Variants in SESTD1 observed in about 807,000 individuals in gnomAD.
The protein encoded by SESTD1 is SEC14 and spectrin domain containing 1.
SESTD1 carries 43 observed loss-of-function variants against 101.7 expected under a neutral mutation model. The ratio of observed to expected loss-of-function variants is 0.42; its 90% CI spans 0.33 to 0.55. The LOEUF (loss-of-function observed/expected upper bound fraction) is 0.55. Among genes scored for constraint, SESTD1 ranks in the 20% least tolerant of loss-of-function variants. The pLI is 0.07. For synonymous variants in SESTD1, 283 were observed against 286.8 expected (o/e 0.99, Z 0.13); for missense variants, 647 against 815.1 (o/e 0.79, Z 2.51).
intron 9 of SESTD1, among the ~76,000 whole-genome samples, chr2:179,139,757 T>C (rs1440943107): frequency 1.3e-5 from 2 of 152,112 alleles, no homozygotes; most frequent in African/African-American, 2.4e-5. Flanking sequence ...TCCTGCTGAC[T>C]TCATCTCCCT....
chr2:179,236,869 A>G (rs2047076440), intron 1 of SESTD1, among the ~76,000 whole-genome samples: 1 of 151,930 alleles, frequency 6.6e-6, no homozygotes, highest in Non-Finnish European at 1.5e-5. Flanking sequence ...ATAGAATAAT[A>G]TAAAACCATA....
chr2:179,143,516 A>C, intron 9 of SESTD1, 76 bp downstream of exon 9: 1 of 1,309,794 alleles, frequency 7.6e-7, no homozygotes, highest in Non-Finnish European at 1.1e-6. Context: ...AGTGTATATA[A>C]GACTTAATAG....
At chr2:179,240,984 C>A (rs964543441) in intron 1 of SESTD1, among the ~76,000 whole-genome samples, 8 of 151,998 alleles carry the variant, frequency 5.3e-5, no homozygotes, top group African/African-American at 1.4e-4. Flanking sequence ...AAAAAAGAAA[C>A]CCTCACTAAG....
At chr2:179,198,190 A>G (rs1328491023) in intron 1 of SESTD1, among the ~76,000 whole-genome samples, 1 of 152,226 alleles carries the variant, frequency 6.6e-6, no homozygotes, top group Non-Finnish European at 1.5e-5. Context: ...CTTTAAACCA[A>G]CAAAGATCAA....
Position 179,116,751 on chromosome 2 carries a change from T to G in SESTD1, c.1564A>C (p.Lys522Gln). ...WLSELLDALL[K>Q]THIRLGDDAQ... ...TCATCGCCCAATCTGATGTGAGTCT[T>G]AAGCAGAGCATCCAGAAGTTCACTT... The change falls in exon 15 of 18, where the codon AAG (lysine) becomes CAG (glutamine). Residue 522 changes from lysine to glutamine, a missense_variant. Lys to Gln is a moderately conservative substitution (Grantham distance 53, BLOSUM62 1). Coordinates refer to ENST00000428443, the MANE Select transcript of SESTD1 (RefSeq NM_178123.5). The G allele has an allele frequency of 6.2e-7, 1 of 1,614,134 alleles. No homozygotes were observed. Among genetic ancestry groups the G allele is most frequent in the Non-Finnish European group, 8.5e-7 (1 of 1,180,004 alleles).
At position 179,132,373 on chromosome 2, in the gene SESTD1, G is replaced by A; in HGVS notation, c.903C>T (p.Gly301=). The change falls in exon 10 of 18, where the codon GGC becomes GGT. Residue 301 remains glycine (G), a synonymous_variant. Coordinates refer to ENST00000428443, the MANE Select transcript of SESTD1 (RefSeq NM_178123.5). The part of the protein sequence containing the change: ...PGSEQLRAQW[G]IGDSIRASQA... The stretch of plus-strand genomic sequence containing the variant: ...GGGAGGCCCTAATGGAGTCTCCAAT[G>A]CCCCACTGGGCTCTTAGTTGTTCTG... The A allele has an allele frequency of 1.3e-6, 2 of 1,568,324 alleles. No individual in the cohort carries two copies. Among genetic ancestry groups the A allele is most frequent in the Non-Finnish European group, 1.7e-6 (2 of 1,165,780 alleles).
rs995119151 is a variant in SESTD1, at chr2:179,109,785, G to T, written c.*114C>A. 7.4e-7 allele frequency: 1 copy of T among 1,351,576 alleles called. No individual in the cohort carries two copies. The highest frequency in any genetic ancestry group is 1.4e-5 in the African/African-American group (1 of 69,008). 83.7% of individuals were successfully genotyped at this position (1,351,576 alleles called of 1,614,324 possible). ...TGTAAAGAGAAATGTGTCATGAAAAGAAATGAGACTTATTTTGGCTGTGAA... is the reference window on the plus strand; with the variant it reads ...TGTAAAGAGAAATGTGTCATGAAAATAAATGAGACTTATTTTGGCTGTGAA... On this transcript the variant is annotated 3_prime_UTR_variant, in exon 18 of 18. Coordinates refer to ENST00000428443, the MANE Select transcript of SESTD1 (RefSeq NM_178123.5).
At position 179,179,142 on chromosome 2, in the gene SESTD1, T is replaced by A. The variant is rs559723435; in HGVS notation, c.165-2604A>T. 3.3e-5 allele frequency among the ~76,000 whole-genome samples: 5 copies of A among 152,324 alleles called. No homozygotes were observed. The South Asian group carries it at 1.0e-3, about 32-fold the overall frequency. ...ATAGTTTTGTTTTTTGCTTCATCCCTGTAAGTGGAATGATGGCTTAAACTG... is the reference window on the plus strand; with the variant it reads ...ATAGTTTTGTTTTTTGCTTCATCCCAGTAAGTGGAATGATGGCTTAAACTG... On this transcript the variant is annotated intron_variant, in intron 3 of 17. Coordinates refer to ENST00000428443, the MANE Select transcript of SESTD1 (RefSeq NM_178123.5).
intron 1 of SESTD1, among the ~76,000 whole-genome samples, chr2:179,231,978 G>A (rs948515501): frequency 5.9e-5 from 9 of 151,896 alleles, no homozygotes; most frequent in African/African-American, 1.7e-4. Flanking sequence ...TACAGACATA[G>A]GAACATAACT....
In SESTD1 at chr2:179,115,208, A is replaced by G. The variant is rs771899454; in HGVS notation, c.1696T>C (p.Cys566Arg). 18 of 1,613,478 alleles carry G rather than the reference A, an allele frequency of 1.1e-5. No individual in the cohort carries two copies. Among genetic ancestry groups the G allele is most frequent in the Non-Finnish European group, 1.3e-5 (15 of 1,179,894 alleles). Residue 566 changes from cysteine to arginine, a missense_variant, in exon 16 of 18, where the codon TGC becomes CGC. Physicochemically the swap from Cys to Arg is radical, Grantham distance 180. Transcript: ENST00000428443. ...RQLLQATVVL[C>R]QSLRCTSRSS... ...CGAGAAGTGCAGCGCAAAGATTGGC[A>G]TAACACAACTGTGGCCTGTAGCAAC...
intron 1 of SESTD1, among the ~76,000 whole-genome samples, chr2:179,250,476 C>A (rs748247004): frequency 6.6e-6 from 1 of 152,196 alleles, no homozygotes; most frequent in Non-Finnish European, 1.5e-5. Context: ...TCTTTTCTTA[C>A]AGTTCCGGAG....
chr2:179,191,194 G>T (rs965515251), intron 2 of SESTD1, among the ~76,000 whole-genome samples: 2 of 152,112 alleles, frequency 1.3e-5, no homozygotes, highest in African/African-American at 4.8e-5. Flanking sequence ...ATCAACAGTG[G>T]AATGGATAAA....
At chr2:179,174,799 A>C (rs548574771) in intron 4 of SESTD1, among the ~76,000 whole-genome samples, 1 of 152,152 alleles carries the variant, frequency 6.6e-6, no homozygotes, top group African/African-American at 2.4e-5. Context: ...AAATAAAAAA[A>C]GTAGCCAGGT....
At chr2:179,201,638 T>G (rs1197272182) in intron 1 of SESTD1, among the ~76,000 whole-genome samples, 1 of 121,548 alleles carries the variant, frequency 8.2e-6, no homozygotes, top group Non-Finnish European at 1.7e-5. Context: ...ATGGATGAAA[T>G]TGGAAATCAT....
chr2:179,174,014 CTAAGG>C (rs1347169224), intron 4 of SESTD1, among the ~76,000 whole-genome samples: 1 of 152,128 alleles, frequency 6.6e-6, no homozygotes, highest in Admixed American at 6.5e-5. Flanking sequence ...TGGATTGTGA[CTAAGG>C]TAAGTAAAAT....
intron 5 of SESTD1, among the ~76,000 whole-genome samples, chr2:179,169,781 C>T (rs1404880011): frequency 6.6e-6 from 1 of 151,950 alleles, no homozygotes; most frequent in Non-Finnish European, 1.5e-5. Flanking sequence ...TTGAGACCAG[C>T]ATGACTAACG....
At position 179,201,059 on chromosome 2, in the gene SESTD1, C is replaced by T. The variant is rs1160112194; in HGVS notation, c.-25-9193G>A. 1.1e-4 allele frequency among the ~76,000 whole-genome samples: 15 copies of T among 134,222 alleles called. 5 individuals are homozygous for T. Among genetic ancestry groups the T allele is most frequent in the African/African-American group, 4.5e-4 (15 of 33,678 alleles). 88.1% of individuals were successfully genotyped at this position (134,222 alleles called of 152,430 possible). A position where few individuals can be genotyped will look rare whatever the true frequency, so the allele number is the denominator to read the frequency against. On this transcript the variant is annotated intron_variant, in intron 1 of 17. Transcript: ENST00000428443. ...GCTAATATCCAGAATCTACAATGAA[C>T]TCCAACAAATTTACAAGAAAAAAAC... is the stretch of plus-strand genomic sequence containing the variant.
At chr2:179,227,604 G>A (rs1032525927) in intron 1 of SESTD1, among the ~76,000 whole-genome samples, 1 of 152,080 alleles carries the variant, frequency 6.6e-6, no homozygotes, top group Non-Finnish European at 1.5e-5. Context: ...TTAAAAATAC[G>A]GAACTATGAT....
At chr2:179,185,734 A>AAT (rs375623753) in intron 2 of SESTD1, among the ~76,000 whole-genome samples, 61 of 55,128 alleles carry the variant, frequency 1.1e-3, no homozygotes, top group East Asian at 5.8e-3. Context: ...TATTATATAT[A>AAT]ATATAATATA....
Sources: gnomAD v4.1 joint callset for allele counts (sites outside exome capture counted in the v4.1 genomes callset) on GRCh38, gnomAD v4.1.1 for gene constraint, MANE v1.5 for transcripts, NCBI Gene and HGNC (gene_info 2026-07-23, HGNC 2026-07-21) for gene names.